Variants in SLC26A4 observed in about 807,000 individuals in gnomAD.
SLC26A4 encodes the protein solute carrier family 26 member 4, also known as pendrin.
A neutral mutation model predicts 90.4 loss-of-function variants in SLC26A4; 93 were observed. That is an observed-to-expected ratio of 1.03 (90% confidence interval 0.87 to 1.22). SLC26A4 has a LOEUF of 1.22. SLC26A4 is among the 50% of genes most tolerant of loss of function. SLC26A4 has a pLI of 0.00. For missense variants in SLC26A4, 1,127 were observed against 946.2 expected (o/e 1.19, Z -2.51); for synonymous variants, 393 against 354.6 (o/e 1.11, Z -1.22).
chr7:107,694,369 C>A, intron 10 of SLC26A4, 34 bp from the exon 11 acceptor site: 1 of 1,553,042 alleles, frequency 6.4e-7, no homozygotes, highest in Non-Finnish European at 8.9e-7. Context: ...GGGAGAAGGA[C>A]GAATCCTTTT....
At chr7:107,668,667 A>G (rs1328297725) in intron 3 of SLC26A4, among the ~76,000 whole-genome samples, 2 of 152,178 alleles carry the variant, frequency 1.3e-5, no homozygotes, top group Admixed American at 1.3e-4. Flanking sequence ...ATTTTTATTC[A>G]CAACTTTAAG....
At chr7:107,705,765 C>A (rs6961725) in intron 18 of SLC26A4, among the ~76,000 whole-genome samples, 5,193 of 152,302 alleles carry the variant, frequency 0.034, 291 homozygotes, top group African/African-American at 0.12. Flanking sequence ...AAGGGATAAG[C>A]ATCTTATGAT....
chr7:107,667,977 G>A lies in SLC26A4; in HGVS notation c.305-4161G>A, dbSNP rs1189083767. Among the ~76,000 whole-genome samples, 4 of 152,138 alleles carry A rather than the reference G, an allele frequency of 2.6e-5. No individual in the cohort carries two copies. The South Asian group carries it at 6.2e-4, about 24-fold the overall frequency. ...GAAGGGTTTGGGCAGATTGAGGTAA[G>A]TAGGGGAGGTTTGAATAGTTGTCTC... On this transcript the variant is annotated intron_variant, in intron 3 of 20. Coordinates refer to ENST00000644269, the MANE Select transcript of SLC26A4 (RefSeq NM_000441.2).
rs775860398 is a variant in SLC26A4 at position 107,689,160 on chromosome 7, T to A, written c.1109T>A (p.Val370Glu). The stretch of plus-strand genomic sequence containing the variant: ...GCTATTGCAGTGTCAGTAGGAAAAG[T>A]ATATGCCACCAAGTATGATTACACC... Reference protein sequence around the residue: ...AYAIAVSVGKVYATKYDYTID... With the variant: ...AYAIAVSVGKEYATKYDYTID... The change falls in exon 9 of 21, where the codon GTA becomes GAA. Residue 370 changes from valine to glutamate, a missense_variant. By Grantham distance (121) the Val-to-Glu change is moderately radical. Coordinates refer to ENST00000644269, the MANE Select transcript of SLC26A4 (RefSeq NM_000441.2). The A allele has an allele frequency of 6.2e-7, 1 of 1,613,908 alleles. No homozygotes were observed. The highest frequency in any genetic ancestry group is 2.2e-5 in the East Asian group (1 of 44,880).
chr7:107,712,609 A>G lies in SLC26A4; in HGVS notation c.2306A>G (p.Asp769Gly). The G allele has an allele frequency of 6.5e-7, 1 of 1,542,926 alleles. No individual in the cohort carries two copies. The highest frequency in any genetic ancestry group is 9.0e-7 in the Non-Finnish European group (1 of 1,115,124). ...ACAGAGCTGACGGAAGAAGAACTTGATGTCCAGGATGAGGTATGATCATTT... is the reference window on the plus strand; with the variant it reads ...ACAGAGCTGACGGAAGAAGAACTTGGTGTCCAGGATGAGGTATGATCATTT... ...IETELTEEEL[D>G]VQDEAMRTLA... Residue 769 changes from aspartate (D) to glycine (G), a missense_variant, in exon 20 of 21, where the codon GAT becomes GGT. Asp to Gly is a moderately conservative substitution (Grantham distance 94). Coordinates refer to ENST00000644269, the MANE Select transcript of SLC26A4 (RefSeq NM_000441.2).
intron 20 of SLC26A4, among the ~76,000 whole-genome samples, chr7:107,714,518 A>G (rs1399094937): frequency 6.6e-6 from 1 of 152,200 alleles, no homozygotes; most frequent in Admixed American, 6.5e-5. Context: ...TTTTAGCTCC[A>G]GTAGTTTATG....
At chr7:107,704,551 A>G (rs2129318845) in intron 18 of SLC26A4, among the ~76,000 whole-genome samples, 166 bp downstream of exon 18, 1 of 152,260 alleles carries the variant, frequency 6.6e-6, no homozygotes, top group South Asian at 2.1e-4. Context: ...TCATTCCATA[A>G]AACAGAATAA....
intron 17 of SLC26A4, among the ~76,000 whole-genome samples, chr7:107,702,684 CAAAA>C: frequency 1.0e-5 from 1 of 99,246 alleles, no homozygotes; most frequent in African/African-American, 3.8e-5. Context: ...GACTTCATCT[CAAAA>C]AAAAAAAAAA....
At position 107,661,461 on chromosome 7, in the gene SLC26A4, C is replaced by A; in HGVS notation, c.-3-178C>A. On this transcript the variant is annotated intron_variant, in intron 1 of 20. Coordinates refer to ENST00000644269, the MANE Select transcript of SLC26A4 (RefSeq NM_000441.2). The surrounding 1 kb of genome is among the most constrained non-coding windows in gnomAD (Gnocchi z 5.1). Reference sequence around the variant, plus strand: ...GGTGCCCCCCTGCAGGCTGGCCGTGCGCGCCGTGGGGCGCTTGTCGCGAGC... The same window carrying A: ...GGTGCCCCCCTGCAGGCTGGCCGTGAGCGCCGTGGGGCGCTTGTCGCGAGC... The A allele has an allele frequency of 2.9e-6, 2 of 698,960 alleles. No homozygotes were observed. The highest frequency in any genetic ancestry group is 4.9e-6 in the Non-Finnish European group (2 of 412,148). 43.3% of individuals were successfully genotyped at this position (698,960 alleles called of 1,614,324 possible).
intron 19 of SLC26A4, among the ~76,000 whole-genome samples, chr7:107,710,517 G>C (rs1241248335): frequency 5.9e-5 from 9 of 152,202 alleles, no homozygotes; most frequent in African/African-American, 2.2e-4. Flanking sequence ...TGGATCTTTT[G>C]TGATCTGGGA....
intron 2 of SLC26A4, among the ~76,000 whole-genome samples, chr7:107,662,849 T>G (rs760078833): frequency 6.6e-6 from 1 of 152,232 alleles, no homozygotes; most frequent in Admixed American, 6.5e-5. Flanking sequence ...ACATTCCTCA[T>G]GCTAAGATTT....
At position 107,661,286 on chromosome 7, in the gene SLC26A4, G is replaced by C; in HGVS notation, c.-3-353G>C. Reference sequence around the variant, plus strand: ...GGCCCCTGCCCCAGCCCCTCGGTTTGGGGGAGATTTCAGAACGCGGACAGC... The same window carrying C: ...GGCCCCTGCCCCAGCCCCTCGGTTTCGGGGAGATTTCAGAACGCGGACAGC... On this transcript the variant is annotated intron_variant, in intron 1 of 20. Transcript: ENST00000644269. This position sits in a 1 kb window ranked among gnomAD's most constrained non-coding sequence, Gnocchi z 5.1. The C allele has an allele frequency of 2.6e-6, 1 of 385,204 alleles. No homozygotes were observed. The highest frequency in any genetic ancestry group is 4.8e-6 in the Non-Finnish European group (1 of 208,884). The allele number at this position is 385,204 out of a possible 1,614,324, so 23.9% of individuals were successfully genotyped here.
At chr7:107,665,186 G>A (rs1184146725) in intron 3 of SLC26A4, among the ~76,000 whole-genome samples, 2 of 152,112 alleles carry the variant, frequency 1.3e-5, no homozygotes, top group Non-Finnish European at 2.9e-5. Flanking sequence ...GGTGGGGTGG[G>A]GATGGCTTGA....
chr7:107,674,321 C>G lies in SLC26A4; in HGVS notation c.573C>G (p.Ala191=). 1 of 1,613,466 alleles carries G rather than the reference C, an allele frequency of 6.2e-7. No individual in the cohort carries two copies. Among genetic ancestry groups the G allele is most frequent in the Non-Finnish European group, 8.5e-7 (1 of 1,179,510 alleles). ...RDTARVLIAS[A]LTLLVGIIQL... ...CAGCTAGAGTCCTGATTGCCAGTGC[C>G]CTGACTCTGCTGGTTGGAATTATAC... is the stretch of plus-strand genomic sequence containing the variant. Residue 191 remains alanine, a synonymous_variant, in exon 5 of 21, where the codon GCC becomes GCG. Coordinates refer to ENST00000644269, the MANE Select transcript of SLC26A4 (RefSeq NM_000441.2).
chr7:107,702,684 CAAA>C (rs11462799), intron 17 of SLC26A4, among the ~76,000 whole-genome samples: 2 of 99,240 alleles, frequency 2.0e-5, no homozygotes, highest in African/African-American at 3.8e-5. Flanking sequence ...GACTTCATCT[CAAA>C]AAAAAAAAAA....
chr7:107,712,896 A>G (rs1792231583), intron 20 of SLC26A4, among the ~76,000 whole-genome samples: 1 of 152,212 alleles, frequency 6.6e-6, no homozygotes, highest in Non-Finnish European at 1.5e-5. Context: ...ACCTCTGCAT[A>G]CTGCTCTTCT....
chr7:107,674,316 A>G lies in SLC26A4; in HGVS notation c.568A>G (p.Ser190Gly). 6.2e-7 allele frequency: 1 copy of G among 1,613,920 alleles called. No individual in the cohort carries two copies. Among genetic ancestry groups the G allele is most frequent in the Non-Finnish European group, 8.5e-7 (1 of 1,179,790 alleles). ...AGATACAGCTAGAGTCCTGATTGCCAGTGCCCTGACTCTGCTGGTTGGAAT... is the reference window on the plus strand; with the variant it reads ...AGATACAGCTAGAGTCCTGATTGCCGGTGCCCTGACTCTGCTGGTTGGAAT... ...ARDTARVLIA[S>G]ALTLLVGIIQ... The change falls in exon 5 of 21, where the codon AGT (serine) becomes GGT (glycine). Residue 190 changes from serine to glycine, a missense_variant. Coordinates refer to ENST00000644269, the MANE Select transcript of SLC26A4 (RefSeq NM_000441.2).
Position 107,689,110 on chromosome 7 carries a change from A to T in SLC26A4, c.1059A>T (p.Ser353=), listed in dbSNP as rs1447467494. Residue 353 remains serine (S), a synonymous_variant, in exon 9 of 21, where the codon TCA becomes TCT. Coordinates refer to ENST00000644269, the MANE Select transcript of SLC26A4 (RefSeq NM_000441.2). The stretch of plus-strand genomic sequence containing the variant: ...TGTTCTCGGAGATGCTGGCTGCATC[A>T]TTTTCCATCGCTGTGGTGGCTTATG... ...VSLFSEMLAA[S]FSIAVVAYAI... 1 of 1,613,944 alleles carries T rather than the reference A, an allele frequency of 6.2e-7. No individual in the cohort carries two copies. The highest frequency in any genetic ancestry group is 8.5e-7 in the Non-Finnish European group (1 of 1,179,868).
intron 2 of SLC26A4, 77 bp from the exon 3 acceptor site, chr7:107,663,219 A>T: frequency 1.4e-6 from 2 of 1,424,758 alleles, no homozygotes; most frequent in Non-Finnish European, 2.0e-6. Flanking sequence ...AGCAGAATCC[A>T]GTTCATAACT....
Sources: allele counts gnomAD v4.1 joint callset (sites outside exome capture counted in the v4.1 genomes callset), GRCh38; gene constraint gnomAD v4.1.1; non-coding constraint Gnocchi (gnomAD v3.1); transcripts MANE v1.5; gene names NCBI Gene and HGNC (gene_info 2026-07-23, HGNC 2026-07-21).